The following CSNK2A1 variants were observed in gnomAD, a reference collection of about 807,000 sequenced individuals.
The protein encoded by CSNK2A1 is casein kinase II subunit alpha.
A neutral mutation model predicts 62.9 loss-of-function variants in CSNK2A1; 10 were observed. The ratio of observed to expected loss-of-function variants is 0.16; its 90% confidence interval spans 0.10 to 0.27. CSNK2A1 has a LOEUF of 0.27. CSNK2A1 is among the 10% of genes least tolerant of loss of function. The pLI is 1.00. For missense variants in CSNK2A1, 160 were observed against 492.0 expected (o/e 0.33, Z 6.38); for synonymous variants, 124 against 167.8 (o/e 0.74, Z 2.02).
chr20:506,392 C>G (rs2018603175), intron 3 of CSNK2A1: 1 of 152,138 alleles, frequency 6.6e-6, no homozygotes, highest in Non-Finnish European at 1.5e-5. Context: ...ATGCGTAGTA[C>G]GAAGCACATT....
At chr20:513,832 G>A (rs1007915346) in intron 2 of CSNK2A1, among the ~76,000 whole-genome samples, 1 of 152,146 alleles carries the variant, frequency 6.6e-6, no homozygotes, top group African/African-American at 2.4e-5. Flanking sequence ...TCTCCACTGG[G>A]AAGACAACAA....
Position 499,250 on chromosome 20 carries a change from T to C in CSNK2A1, c.366+5A>G. ...TAGCCCGAAACAGTTGGTTATATAT[T>C]ATACCTTGAAGTCTGTGTTGTTTAC... On this transcript the variant is annotated splice_donor_5th_base_variant and intron_variant, in intron 6 of 13. Coordinates refer to ENST00000217244, the MANE Select transcript of CSNK2A1 (RefSeq NM_177559.3). The surrounding 1 kb of genome is among the most constrained non-coding windows in gnomAD (Gnocchi z 4.2). 1 of 1,603,400 alleles carries C rather than the reference T, an allele frequency of 6.2e-7. No individual in the cohort carries two copies. The highest frequency in any genetic ancestry group is 1.1e-5 in the South Asian group (1 of 88,096).
chr20:538,725 G>C (rs1325372971), intron 1 of CSNK2A1, among the ~76,000 whole-genome samples: 1 of 152,144 alleles, frequency 6.6e-6, no homozygotes, highest in Non-Finnish European at 1.5e-5. Context: ...AGAGAACAGA[G>C]AGACAGTTAC....
At chr20:490,666 A>G (rs920812240) in intron 9 of CSNK2A1, among the ~76,000 whole-genome samples, 2 of 146,668 alleles carry the variant, frequency 1.4e-5, no homozygotes, top group Admixed American at 6.8e-5. Flanking sequence ...GGCCTTTCCA[A>G]GTGCTGGGAT....
intron 2 of CSNK2A1, among the ~76,000 whole-genome samples, chr20:517,544 C>T (rs1434378437): frequency 6.6e-6 from 1 of 151,958 alleles, no homozygotes; most frequent in Non-Finnish European, 1.5e-5. Flanking sequence ...AAACTATCAC[C>T]AACCCATCAT....
intron 2 of CSNK2A1, among the ~76,000 whole-genome samples, chr20:522,830 T>A (rs537256244): frequency 1.1e-4 from 16 of 152,036 alleles, no homozygotes; most frequent in African/African-American, 1.4e-4. Flanking sequence ...CCCAGCCTCC[T>A]AAGTAGCTAG....
chr20:490,054 C>CA (rs1216582091), intron 9 of CSNK2A1, among the ~76,000 whole-genome samples, 173 bp from the exon 10 acceptor site: 1 of 146,670 alleles, frequency 6.8e-6, no homozygotes, highest in Admixed American at 6.8e-5. Flanking sequence ...TTTTTGGAGA[C>CA]AGAGTCTCAC....
At position 476,630 on chromosome 20, in the gene CSNK2A1, T is replaced by C. The variant is rs2017855109; in HGVS notation, c.*7331A>G. On this transcript the variant is annotated 3_prime_UTR_variant, in exon 14 of 14. Coordinates refer to ENST00000217244, the MANE Select transcript of CSNK2A1 (RefSeq NM_177559.3). Reference sequence around the variant, plus strand: ...CTATGTTGCACAGGCTGGAGTGCAGTGGTGAAATCATGGCTCACTGCAGCC... The same window carrying C: ...CTATGTTGCACAGGCTGGAGTGCAGCGGTGAAATCATGGCTCACTGCAGCC... 3 of 151,420 alleles carry C rather than the reference T, an allele frequency of 2.0e-5. No individual in the cohort carries two copies. Among genetic ancestry groups the C allele is most frequent in the Admixed American group, 2.0e-4 (3 of 15,180 alleles). 9.4% of individuals were successfully genotyped at this position (151,420 alleles called of 1,614,324 possible). A position where few individuals can be genotyped will look rare whatever the true frequency, so the allele number is the denominator to read the frequency against.
At chr20:500,284 A>G (rs139688380) in intron 4 of CSNK2A1, 96 of 217,294 alleles carry the variant, frequency 4.4e-4, no homozygotes, top group African/African-American at 2.1e-3. Flanking sequence ...TAGTAATACT[A>G]AAGTATATCA....
At chr20:535,297 GA>G (rs1264904045) in intron 1 of CSNK2A1, among the ~76,000 whole-genome samples, 3 of 152,128 alleles carry the variant, frequency 2.0e-5, no homozygotes, top group Non-Finnish European at 2.9e-5. Flanking sequence ...AGCAAATAAT[GA>G]AAGCATTTTA....
At chr20:484,694 T>TTGTGTGTG (rs3055006) in intron 13 of CSNK2A1, among the ~76,000 whole-genome samples, 4 of 147,712 alleles carry the variant, frequency 2.7e-5, no homozygotes, top group Admixed American at 2.0e-4. Flanking sequence ...AATCATGTTT[T>TTGTGTGTG]TGTGTGTGTG....
intron 1 of CSNK2A1, among the ~76,000 whole-genome samples, chr20:538,625 T>C (rs1282372570): frequency 6.6e-6 from 1 of 152,214 alleles, no homozygotes; most frequent in Non-Finnish European, 1.5e-5. Context: ...TTCCCAGATC[T>C]GACTCTTAAA....
intron 1 of CSNK2A1, among the ~76,000 whole-genome samples, chr20:530,115 G>A (rs751681464): frequency 5.3e-5 from 8 of 151,800 alleles, no homozygotes; most frequent in South Asian, 2.1e-4. Context: ...ACACTTCATC[G>A]CCCCAAAAAG....
intron 2 of CSNK2A1, among the ~76,000 whole-genome samples, chr20:514,353 C>CA: frequency 6.6e-6 from 1 of 150,388 alleles, no homozygotes; most frequent in African/African-American, 2.5e-5. Flanking sequence ...CAAAAACAAA[C>CA]AAACAAACAA....
chr20:535,489 C>T (rs959211021), intron 1 of CSNK2A1, among the ~76,000 whole-genome samples: 1 of 152,296 alleles, frequency 6.6e-6, no homozygotes, highest in South Asian at 2.1e-4. Flanking sequence ...GGCGCGGTGG[C>T]TCACGCCTGT....
chr20:515,766 C>T (rs1462086277), intron 2 of CSNK2A1, among the ~76,000 whole-genome samples: 1 of 152,212 alleles, frequency 6.6e-6, no homozygotes, highest in Non-Finnish European at 1.5e-5. Context: ...TCAGTAAACA[C>T]TATTTGGTGA....
Position 475,441 on chromosome 20 carries a change from CA to C in CSNK2A1, c.*8519del, listed in dbSNP as rs2017828907. The C allele has an allele frequency of 7.3e-6, 1 of 137,302 alleles. No homozygotes were observed. The highest frequency in any genetic ancestry group is 1.5e-5 in the Non-Finnish European group (1 of 65,796). 8.5% of individuals were successfully genotyped at this position (137,302 alleles called of 1,614,324 possible). On this transcript the variant is annotated 3_prime_UTR_variant, in exon 14 of 14. Transcript: ENST00000217244. ...TGCCACCGCACTCCAGCCTGGGTGA[CA>C]GAGTTAAGACTCTGACTCAAAAAAA...
rs184889051 is a variant in CSNK2A1, at chr20:503,916, G to A, written c.213+1202C>T. 6.4e-3 allele frequency among the ~76,000 whole-genome samples: 974 copies of A among 151,752 alleles called. 12 individuals are homozygous for A. Among genetic ancestry groups the A allele is most frequent in the African/African-American group, 0.022 (922 of 41,448 alleles). ...TTAGCGGGCAGGCGCAGTGGCTCACGCCTGTAATCCCAGCACTTTGGGAGG... is the reference window on the plus strand; with the variant it reads ...TTAGCGGGCAGGCGCAGTGGCTCACACCTGTAATCCCAGCACTTTGGGAGG... On this transcript the variant is annotated intron_variant, in intron 4 of 13. Transcript: ENST00000217244.
intron 4 of CSNK2A1, chr20:502,864 T>C (rs1443928126): frequency 6.7e-6 from 1 of 148,288 alleles, no homozygotes; most frequent in Non-Finnish European, 1.5e-5. Context: ...CCTCCTCCTC[T>C]TTTCTTATCT....
Sources: allele counts gnomAD v4.1 joint callset (sites outside exome capture counted in the v4.1 genomes callset), GRCh38; gene constraint gnomAD v4.1.1; non-coding constraint Gnocchi (gnomAD v3.1); transcripts MANE v1.5; gene names NCBI Gene and HGNC (gene_info 2026-07-23, HGNC 2026-07-21).